Variants in MYO18B observed in about 807,000 individuals in gnomAD.
MYO18B encodes the protein unconventional myosin-XVIIIb.
In MYO18B, 204 loss-of-function variants were observed where a neutral mutation model predicts 273.0. The observed-to-expected ratio is 0.75, with a 90% CI of 0.67 to 0.84. The LOEUF (loss-of-function observed/expected upper bound fraction) is 0.84, where lower values mean the gene tolerates loss of function less well. Ranked by LOEUF, MYO18B falls within the 40% of genes least tolerant of loss-of-function variation. The pLI is 0.00. For synonymous variants in MYO18B, 1,330 were observed against 1,305.7 expected, an observed-to-expected ratio of 1.02 and a Z score of -0.40; for missense variants, 3,212 against 3,287.6, an observed-to-expected ratio of 0.98 and a Z score of 0.56.
intron 30 of MYO18B, chr22:25,903,055 C>G: frequency 3.6e-6 from 1 of 277,160 alleles, no homozygotes; most frequent in Non-Finnish European, 6.9e-6. Flanking sequence ...TGTCCTGGTC[C>G]AAGCAGGCTC....
intron 42 of MYO18B, among the ~76,000 whole-genome samples, chr22:26,006,084 C>A (rs1467850395): frequency 6.6e-6 from 1 of 152,220 alleles, no homozygotes; most frequent in Non-Finnish European, 1.5e-5. Flanking sequence ...TTGCGTTAGC[C>A]TGTCTGCCAG....
intron 32 of MYO18B, among the ~76,000 whole-genome samples, chr22:25,910,158 G>A (rs552528367): frequency 6.6e-6 from 1 of 152,322 alleles, no homozygotes; most frequent in East Asian, 1.9e-4. Context: ...CTGAGTTCAG[G>A]CTGCTGTAGC....
chr22:25,827,415 G>A (rs2089534501), intron 14 of MYO18B, among the ~76,000 whole-genome samples: 1 of 152,190 alleles, frequency 6.6e-6, no homozygotes, highest in Non-Finnish European at 1.5e-5. Context: ...GTGTGTCTGC[G>A]GGGCTGCAGG....
intron 34 of MYO18B, among the ~76,000 whole-genome samples, chr22:25,927,852 G>A (rs532575662): frequency 5.9e-5 from 9 of 152,246 alleles, no homozygotes; most frequent in East Asian, 5.8e-4. Flanking sequence ...AAGAACCTAC[G>A]TGAATATCGG....
intron 1 of MYO18B, among the ~76,000 whole-genome samples, chr22:25,754,475 C>A (rs895099496): frequency 3.9e-5 from 6 of 152,064 alleles, no homozygotes; most frequent in Non-Finnish European, 8.8e-5. Flanking sequence ...CCTTGAGGGT[C>A]CCATGGAACC....
At chr22:25,934,084 C>T (rs2092546500) in intron 34 of MYO18B, among the ~76,000 whole-genome samples, 1 of 152,140 alleles carries the variant, frequency 6.6e-6, no homozygotes, top group Non-Finnish European at 1.5e-5. Context: ...TGATGTTCAC[C>T]TTTTCAAAGT....
At chr22:25,983,864 T>C (rs2093173614) in intron 39 of MYO18B, among the ~76,000 whole-genome samples, 2 of 152,246 alleles carry the variant, frequency 1.3e-5, no homozygotes, top group South Asian at 4.1e-4. Flanking sequence ...GCCCAACTCC[T>C]TGGCTTTTTT....
At chr22:25,903,357 T>A in intron 30 of MYO18B, 1 of 425,130 alleles carries the variant, frequency 2.4e-6, no homozygotes, top group South Asian at 3.1e-5. Context: ...GGGTCAACCC[T>A]TCCTGTAGGT....
At chr22:25,898,559 C>A in intron 29 of MYO18B, 98 bp downstream of exon 29, 1 of 1,315,870 alleles carries the variant, frequency 7.6e-7, no homozygotes, top group Non-Finnish European at 1.1e-6. Context: ...TCCCTCACTT[C>A]AACTCCCTTG....
intron 39 of MYO18B, among the ~76,000 whole-genome samples, chr22:25,990,704 A>AG (rs2093257945): frequency 2.4e-5 from 1 of 42,406 alleles, no homozygotes. Flanking sequence ...AAAAAAAAAA[A>AG]AAAAAAAAAA....
chr22:25,970,458 T>C (rs2093025322), intron 39 of MYO18B, among the ~76,000 whole-genome samples: 1 of 152,152 alleles, frequency 6.6e-6, no homozygotes, highest in Non-Finnish European at 1.5e-5. Context: ...GAGTGTCAGC[T>C]TCATTGGAAT....
chr22:25,792,693 C>A (rs2087733344), intron 11 of MYO18B, among the ~76,000 whole-genome samples: 1 of 151,958 alleles, frequency 6.6e-6, no homozygotes, highest in African/African-American at 2.4e-5. Flanking sequence ...CGGGGTTTCA[C>A]CATTTTTGCC....
Position 25,910,864 on chromosome 22 carries a change from C to A in MYO18B, c.5260-82C>A. The A allele has an allele frequency of 5.4e-6, 6 of 1,109,376 alleles. 1 individual carries two copies. The South Asian group carries it at 8.2e-5, about 15-fold the overall frequency. The allele number at this position is 1,109,376 out of a possible 1,614,324, so 68.7% of individuals were successfully genotyped here. The stretch of plus-strand genomic sequence containing the variant: ...AAGCCACAAGCTCTACATTCCTCCG[C>A]CTTCTGAGGGTCCTTGCCTTGTAGG... On this transcript the variant is annotated intron_variant, in intron 32 of 43. Transcript: ENST00000335473.
intron 33 of MYO18B, among the ~76,000 whole-genome samples, chr22:25,913,182 G>A (rs912469659): frequency 1.4e-4 from 21 of 152,132 alleles, no homozygotes; most frequent in African/African-American, 4.8e-4. Context: ...ATTCCCCAAA[G>A]TGATTGCAGC....
intron 11 of MYO18B, among the ~76,000 whole-genome samples, chr22:25,789,105 C>G (rs62224692): frequency 3.2e-5 from 1 of 31,194 alleles, no homozygotes; most frequent in Non-Finnish European, 1.4e-4. Flanking sequence ...CTTCTTCCTC[C>G]TCCTCCTCCT....
Position 26,026,877 on chromosome 22 carries a change from C to T in MYO18B, c.6903C>T (p.Leu2301=), listed in dbSNP as rs1936284583. ...GGGCTGGCAGTGACGAGGGAAACCT[C>T]TCGCTGAGGGTTGGGGCAAAGTCAC... ...RGRAGSDEGN[L]SLRVGAKSPL... is the part of the protein sequence containing the mutation. The change falls in exon 43 of 44, where the codon CTC becomes CTT. Residue 2301 remains leucine (L), a synonymous_variant. Coordinates refer to ENST00000335473, the MANE Select transcript of MYO18B (RefSeq NM_032608.7). 1.9e-6 allele frequency: 3 copies of T among 1,599,078 alleles called. No homozygotes were observed. Among genetic ancestry groups the T allele is most frequent in the East Asian group, 4.5e-5 (2 of 44,706 alleles).
the MYO18B span, among the ~76,000 whole-genome samples, chr22:26,041,153 C>CTTT: frequency 2.0e-5 from 3 of 151,358 alleles, no homozygotes; most frequent in Non-Finnish European, 2.9e-5. Flanking sequence ...CTTTTAGAGC[C>CTTT]TTTTTTTTCC....
chr22:26,014,090 A>G (rs1935119377), intron 42 of MYO18B, among the ~76,000 whole-genome samples: 1 of 152,132 alleles, frequency 6.6e-6, no homozygotes, highest in African/African-American at 2.4e-5. Flanking sequence ...GAAATCATGC[A>G]GTATTTTCTT....
intron 12 of MYO18B, among the ~76,000 whole-genome samples, chr22:25,817,587 G>T (rs2089091711): frequency 6.6e-6 from 1 of 151,910 alleles, no homozygotes; most frequent in Non-Finnish European, 1.5e-5. Flanking sequence ...AGTTTGCCTG[G>T]GGTCACCTGG....
Sources: gnomAD v4.1 joint callset for allele counts (sites outside exome capture counted in the v4.1 genomes callset) on GRCh38, gnomAD v4.1.1 for gene constraint, MANE v1.5 for transcripts, NCBI Gene and HGNC (gene_info 2026-07-23, HGNC 2026-07-21) for gene names.